ABCD3: variants seen among roughly 807,000 people sequenced by gnomAD.
The protein encoded by ABCD3 is ATP binding cassette subfamily D member 3, also known as ATP-binding cassette sub-family D member 3.
In ABCD3, 41 loss-of-function variants were observed where a neutral mutation model predicts 105.5. That is an observed-to-expected ratio of 0.39 (90% CI 0.30 to 0.50). The LOEUF is 0.50. Ranked by LOEUF, ABCD3 falls within the 20% of genes least tolerant of loss-of-function variation. The pLI, the probability that ABCD3 is intolerant of heterozygous loss-of-function variation, is 0.84. For synonymous variants in ABCD3, 258 were observed against 269.0 expected, an observed-to-expected ratio of 0.96 and a Z score of 0.40; for missense variants, 622 against 806.3, an observed-to-expected ratio of 0.77 and a Z score of 2.77.
chr1:94,396,610 T>TTTGTGTGC, the ABCD3 span, among the ~76,000 whole-genome samples: 3 of 143,996 alleles, frequency 2.1e-5, no homozygotes, highest in Non-Finnish European at 3.1e-5. Flanking sequence ...TGTGTGTGTG[T>TTTGTGTGC]GCGCGCGCGC....
chr1:94,452,800 A>G (rs1378067360), intron 1 of ABCD3, among the ~76,000 whole-genome samples: 1 of 151,810 alleles, frequency 6.6e-6, no homozygotes, highest in Non-Finnish European at 1.5e-5. Context: ...GCAGTGGCAC[A>G]ATCTCAGCTC....
chr1:94,478,572 C>T (rs765128554), intron 8 of ABCD3: 2 of 1,586,522 alleles, frequency 1.3e-6, no homozygotes, highest in Non-Finnish European at 1.7e-6. Context: ...ATGTATTGGC[C>T]AGGCGTGGTG....
chr1:94,442,609 A>G (rs1437859647), intron 1 of ABCD3, among the ~76,000 whole-genome samples: 1 of 151,932 alleles, frequency 6.6e-6, no homozygotes, highest in Non-Finnish European at 1.5e-5. Flanking sequence ...TAATTTTGCA[A>G]CCCTCACCCC....
At chr1:94,509,874 C>T (rs1023901617) in intron 21 of ABCD3, among the ~76,000 whole-genome samples, 40 of 152,072 alleles carry the variant, frequency 2.6e-4, no homozygotes, top group African/African-American at 9.4e-4. Flanking sequence ...TTTGATTCAT[C>T]TCTCTTTTTT....
At chr1:94,407,838 A>C in the ABCD3 span, among the ~76,000 whole-genome samples, 49,299 of 152,176 alleles carry the variant, frequency 0.32, 8,617 homozygotes, top group Admixed American at 0.41. Flanking sequence ...TCAATAAAGA[A>C]ACAACAACAA....
intron 1 of ABCD3, among the ~76,000 whole-genome samples, chr1:94,434,365 T>C (rs371206945): frequency 2.4e-4 from 36 of 152,102 alleles, no homozygotes; most frequent in African/African-American, 8.7e-4. Flanking sequence ...TAAGTAGGAG[T>C]ACACTCTAAT....
chr1:94,499,942 C>G lies in ABCD3; in HGVS notation c.1740+328C>G, dbSNP rs182218177. ...TAATCCTGGCTGGGTTATGAAATTT[C>G]TTCTCATGTCTCTTCCCTATAGACA... On this transcript the variant is annotated intron_variant, in intron 20 of 22. Transcript: ENST00000370214. Among the ~76,000 whole-genome samples the G allele has an allele frequency of 2.5e-3, 378 of 152,196 alleles. 1 individual carries two copies. The highest frequency in any genetic ancestry group is 8.9e-3 in the African/African-American group (368 of 41,548).
chr1:94,401,859 T>C, the ABCD3 span, among the ~76,000 whole-genome samples: 1 of 152,214 alleles, frequency 6.6e-6, no homozygotes, highest in Non-Finnish European at 1.5e-5. Context: ...AAGTATTCAG[T>C]TTGATGAGTT....
At chr1:94,429,925 G>A (rs561482598) in intron 1 of ABCD3, among the ~76,000 whole-genome samples, 3 of 152,216 alleles carry the variant, frequency 2.0e-5, no homozygotes, top group African/African-American at 7.2e-5. Context: ...TGCACTGTGC[G>A]CCTGGAAAAA....
intron 1 of ABCD3, among the ~76,000 whole-genome samples, chr1:94,440,642 G>T (rs1057151902): frequency 1.3e-5 from 2 of 152,144 alleles, no homozygotes; most frequent in African/African-American, 2.4e-5. Flanking sequence ...GGATCTTCCC[G>T]AGGTGGATAA....
At chr1:94,445,542 T>G (rs1660313510) in intron 1 of ABCD3, among the ~76,000 whole-genome samples, 1 of 152,172 alleles carries the variant, frequency 6.6e-6, no homozygotes, top group African/African-American at 2.4e-5. Context: ...CAGGTTTGTT[T>G]GCCACCTAAA....
chr1:94,503,390 C>G (rs563941439), intron 20 of ABCD3, among the ~76,000 whole-genome samples: 2 of 152,102 alleles, frequency 1.3e-5, no homozygotes, highest in Non-Finnish European at 1.5e-5. Flanking sequence ...TCCCTACTTC[C>G]GCTGTCTTGG....
At chr1:94,472,986 C>A (rs1458635988) in intron 4 of ABCD3, among the ~76,000 whole-genome samples, 1 of 152,002 alleles carries the variant, frequency 6.6e-6, no homozygotes, top group South Asian at 2.1e-4. Flanking sequence ...AGTTTTAGAA[C>A]CCTTTTTAAA....
chr1:94,480,455 T>C lies in ABCD3; in HGVS notation c.685-9T>C, dbSNP rs563660571. On this transcript the variant is annotated splice_polypyrimidine_tract_variant and intron_variant, in intron 8 of 22. Transcript: ENST00000370214. ...AACTTTGTGTATCTTTCTCTCCCAA[T>C]AATAATAGGGCCCAGCGAGCATGAT... The C allele has an allele frequency of 3.6e-4, 585 of 1,613,696 alleles. 7 individuals carry two copies. The South Asian group carries it at 6.2e-3, about 17-fold the overall frequency.
the ABCD3 span, chr1:94,406,660 A>T: frequency 1.2e-5 from 2 of 167,346 alleles, no homozygotes; most frequent in African/African-American, 4.8e-5. Flanking sequence ...ATTGGTTTAT[A>T]GCAATGTCAA....
At chr1:94,516,530 G>T (rs1474995599) in intron 22 of ABCD3, among the ~76,000 whole-genome samples, 4 of 151,812 alleles carry the variant, frequency 2.6e-5, no homozygotes, top group Admixed American at 1.3e-4. Flanking sequence ...TTCTTTTGGA[G>T]GTATAGACAA....
intron 6 of ABCD3, 63 bp downstream of exon 6, chr1:94,475,303 C>A: frequency 8.9e-7 from 1 of 1,120,624 alleles, no homozygotes; most frequent in Non-Finnish European, 1.3e-6. Context: ...TGAAGCTGAT[C>A]AATATAGCAG....
chr1:94,428,458 A>G (rs922886475), intron 1 of ABCD3, among the ~76,000 whole-genome samples: 4 of 152,250 alleles, frequency 2.6e-5, no homozygotes, highest in African/African-American at 9.6e-5. Flanking sequence ...ATAATGTATC[A>G]TTGCATGTCA....
chr1:94,467,785 A>G (rs1648224989), intron 3 of ABCD3, 134 bp from the exon 4 acceptor site: 1 of 662,084 alleles, frequency 1.5e-6, no homozygotes, highest in African/African-American at 1.8e-5. Flanking sequence ...TTACTTATAG[A>G]AAAAATGTCA....
Sources: gnomAD v4.1 joint callset for allele counts (sites outside exome capture counted in the v4.1 genomes callset) on GRCh38, gnomAD v4.1.1 for gene constraint, MANE v1.5 for transcripts, NCBI Gene and HGNC (gene_info 2026-07-23, HGNC 2026-07-21) for gene names.